Variants in LINGO2 observed in about 807,000 individuals in gnomAD.
LINGO2 encodes leucine rich repeat and Ig domain containing 2.
A neutral mutation model predicts 30.6 loss-of-function variants in LINGO2; 14 were observed. That is an observed-to-expected ratio of 0.46 (90% CI 0.30 to 0.72). The LOEUF (loss-of-function observed/expected upper bound fraction) is 0.72, where lower values mean the gene tolerates loss of function less well. Ranked by LOEUF, LINGO2 falls within the 30% of genes least tolerant of loss-of-function variation. LINGO2 has a pLI of 0.07. For missense variants in LINGO2, 729 were observed against 751.7 expected, an observed-to-expected ratio of 0.97 and a Z score of 0.35; for synonymous variants, 317 against 288.5, an observed-to-expected ratio of 1.10 and a Z score of -1.00.
rs2133442602 is a variant in LINGO2, at chr9:28,130,836, T to G, written c.-86-118431A>C. On this transcript the variant is annotated intron_variant, in intron 4 of 5. Transcript: ENST00000379992. This position sits in a 1 kb window ranked among gnomAD's most constrained non-coding sequence, Gnocchi z 5.2. ...AGTACAGTTTGGCTACAGAAGGAAG[T>G]TTATGTACATATGTTCCCATGAATG... 6.6e-6 allele frequency among the ~76,000 whole-genome samples: 1 copy of G among 152,218 alleles called. No individual in the cohort carries two copies. The highest frequency in any genetic ancestry group is 2.1e-4 in the South Asian group (1 of 4,824).
chr9:28,496,769 T>A (rs552286538), intron 1 of LINGO2, among the ~76,000 whole-genome samples: 32 of 152,344 alleles, frequency 2.1e-4, no homozygotes, highest in African/African-American at 7.5e-4. Context: ...GTCTTTACAA[T>A]TTGGCATGTT....
intron 5 of LINGO2, among the ~76,000 whole-genome samples, chr9:27,998,485 A>G (rs548419731): frequency 3.3e-5 from 5 of 152,180 alleles, no homozygotes; most frequent in Non-Finnish European, 7.4e-5. Context: ...CGTCAGATAT[A>G]TAAGAATTTG....
At chr9:29,134,513 G>T in the LINGO2 span, among the ~76,000 whole-genome samples, 2 of 151,710 alleles carry the variant, frequency 1.3e-5, no homozygotes, top group African/African-American at 4.8e-5. Context: ...ATATATAATA[G>T]CCAGTGACTA....
the LINGO2 span, among the ~76,000 whole-genome samples, chr9:29,088,213 T>C: frequency 6.6e-6 from 1 of 152,158 alleles, no homozygotes; most frequent in Admixed American, 6.5e-5. Context: ...TCACAAAGAT[T>C]GACCACACCT....
intron 1 of LINGO2, among the ~76,000 whole-genome samples, chr9:28,542,275 A>C (rs1349001962): frequency 6.6e-6 from 1 of 151,438 alleles, no homozygotes; most frequent in Non-Finnish European, 1.5e-5. Context: ...TAGATCCTGA[A>C]AAAAAAACAG....
chr9:27,944,927 G>A (rs1823306208), downstream of LINGO2, among the ~76,000 whole-genome samples: 1 of 152,124 alleles, frequency 6.6e-6, no homozygotes, highest in Admixed American at 6.6e-5. Flanking sequence ...TCTTCTTCAG[G>A]TAGGAGATAA....
chr9:29,164,039 A>G, the LINGO2 span, among the ~76,000 whole-genome samples: 1 of 151,756 alleles, frequency 6.6e-6, no homozygotes, highest in Non-Finnish European at 1.5e-5. Flanking sequence ...TTTTCTTAGT[A>G]TGCTACTGAA....
intron 1 of LINGO2, among the ~76,000 whole-genome samples, chr9:28,646,184 A>G (rs1450541346): frequency 6.6e-6 from 1 of 152,078 alleles, no homozygotes; most frequent in Admixed American, 6.6e-5. Flanking sequence ...CTAGCATCAC[A>G]TGCTTAGTTA....
rs1391322000 is a variant in LINGO2 at position 28,512,600 on chromosome 9, T to G, written c.-364-36575A>C. Reference sequence around the variant, plus strand: ...AACAGGATATATATGTGTGTATATATATATATATATATATATATATATATA... The same window carrying G: ...AACAGGATATATATGTGTGTATATAGATATATATATATATATATATATATA... On this transcript the variant is annotated intron_variant, in intron 1 of 5. Transcript: ENST00000379992. 0.041 allele frequency among the ~76,000 whole-genome samples: 90 copies of G among 2,208 alleles called. 3 individuals are homozygous for G. In the East Asian group the frequency reaches 0.47, roughly 12 times the overall value. 1.4% of individuals were successfully genotyped at this position (2,208 alleles called of 152,430 possible). A position where few individuals can be genotyped will look rare whatever the true frequency, so the allele number is the denominator to read the frequency against.
At chr9:28,713,880 G>A in the LINGO2 span, among the ~76,000 whole-genome samples, 7 of 152,060 alleles carry the variant, frequency 4.6e-5, no homozygotes, top group African/African-American at 1.4e-4. Flanking sequence ...CACTGGGGCT[G>A]GGCATGGTGG....
chr9:28,547,680 T>C (rs1302019944), intron 1 of LINGO2, among the ~76,000 whole-genome samples: 4 of 152,062 alleles, frequency 2.6e-5, no homozygotes, highest in African/African-American at 9.7e-5. Flanking sequence ...AAAGTTCAAA[T>C]GGATCTGGTT....
intron 2 of LINGO2, among the ~76,000 whole-genome samples, chr9:28,454,135 G>T (rs535359750): frequency 2.0e-5 from 3 of 152,070 alleles, no homozygotes; most frequent in Non-Finnish European, 2.9e-5. Flanking sequence ...TAAGTAAGAG[G>T]CTGGAATGCA....
chr9:28,741,567 G>C, the LINGO2 span, among the ~76,000 whole-genome samples: 1 of 152,014 alleles, frequency 6.6e-6, no homozygotes, highest in African/African-American at 2.4e-5. Context: ...GCCTGAGGTT[G>C]TGGGGGCGCT....
At chr9:28,400,336 T>C (rs886288802) in intron 2 of LINGO2, among the ~76,000 whole-genome samples, 1 of 152,184 alleles carries the variant, frequency 6.6e-6, no homozygotes, top group Non-Finnish European at 1.5e-5. Context: ...TGGCTCATAC[T>C]GGCCTGTGAG....
At chr9:28,070,297 T>C (rs1184293711) in intron 4 of LINGO2, among the ~76,000 whole-genome samples, 1 of 152,174 alleles carries the variant, frequency 6.6e-6, no homozygotes, top group African/African-American at 2.4e-5. Flanking sequence ...GTTGGAGTTA[T>C]ACCTCTTGGT....
At chr9:27,966,164 T>C (rs1187763921) in intron 5 of LINGO2, among the ~76,000 whole-genome samples, 4 of 152,128 alleles carry the variant, frequency 2.6e-5, no homozygotes, top group Admixed American at 2.0e-4. Context: ...CCCTTTTTGA[T>C]GCAAATAGCC....
the LINGO2 span, among the ~76,000 whole-genome samples, chr9:29,043,438 G>A: frequency 3.9e-5 from 6 of 151,966 alleles, no homozygotes; most frequent in African/African-American, 1.2e-4. Flanking sequence ...AATCGAAAAA[G>A]CTGAGTCAGT....
chr9:28,054,637 G>A (rs1824834428), intron 4 of LINGO2, among the ~76,000 whole-genome samples: 1 of 152,086 alleles, frequency 6.6e-6, no homozygotes, highest in African/African-American at 2.4e-5. Flanking sequence ...CAAAAACAGA[G>A]CAGGCATTAA....
chr9:28,821,908 TG>T, the LINGO2 span, among the ~76,000 whole-genome samples: 2 of 151,782 alleles, frequency 1.3e-5, no homozygotes, highest in East Asian at 3.9e-4. Context: ...TGTTGGAGAG[TG>T]GGAGACAATG....
Sources: allele counts gnomAD v4.1 joint callset (sites outside exome capture counted in the v4.1 genomes callset), GRCh38; gene constraint gnomAD v4.1.1; non-coding constraint Gnocchi (gnomAD v3.1); transcripts MANE v1.5; gene names NCBI Gene and HGNC (gene_info 2026-07-23, HGNC 2026-07-21).